The following ARHGEF16 variants were observed in gnomAD, a reference collection of about 807,000 sequenced individuals.
The protein encoded by ARHGEF16 is Rho guanine exchange factor (GEF) 16.
In ARHGEF16, 59 loss-of-function variants were observed where a neutral mutation model predicts 74.1. The ratio of observed to expected loss-of-function variants is 0.80; its 90% CI spans 0.65 to 0.99. The LOEUF is 0.99. Ranked by LOEUF, ARHGEF16 falls within the 50% of genes least tolerant of loss-of-function variation. The pLI, the probability that ARHGEF16 is intolerant of heterozygous loss-of-function variation, is 0.00. For missense variants in ARHGEF16, 948 were observed against 986.6 expected (o/e 0.96, Z 0.52); for synonymous variants, 415 against 412.6 (o/e 1.01, Z -0.07).
At position 3,463,359 on chromosome 1, in the gene ARHGEF16, G is replaced by C. The variant is rs899794754; in HGVS notation, c.275G>C (p.Ser92Thr). ...KLGTQQLIPK[S>T]LAVASKAKTP... ...GGCACCCAACAGCTGATCCCTAAGA[G>C]CCTGGCTGTGGCCAGCAAGGCAAAG... The change falls in exon 2 of 15, where the codon AGC becomes ACC. Residue 92 changes from serine (S) to threonine (T), a missense_variant. Transcript: ENST00000378378. 4 of 1,550,142 alleles carry C rather than the reference G, an allele frequency of 2.6e-6. No individual in the cohort carries two copies. The highest frequency in any genetic ancestry group is 3.5e-6 in the Non-Finnish European group (4 of 1,146,926).
rs201748024 is a variant in ARHGEF16 at position 3,478,404 on chromosome 1, G to A, written c.1626-20G>A. 234 of 1,574,318 alleles carry A rather than the reference G, an allele frequency of 1.5e-4. 3 individuals are homozygous for A. The East Asian group carries it at 2.6e-3, about 17-fold the overall frequency. ...AGGAGCTGGGTGGGACCGTCCCACCGACTGCCCGTGTCTCCACAGCGAGGA... is the reference window on the plus strand; with the variant it reads ...AGGAGCTGGGTGGGACCGTCCCACCAACTGCCCGTGTCTCCACAGCGAGGA... On this transcript the variant is annotated intron_variant, in intron 11 of 14. Transcript: ENST00000378378.
chr1:3,455,543 G>T (rs927661272), intron 1 of ARHGEF16, among the ~76,000 whole-genome samples: 10 of 152,198 alleles, frequency 6.6e-5, no homozygotes, highest in Admixed American at 5.9e-4. Flanking sequence ...ATTTGAGCAG[G>T]TGGGGGGACT....
rs745897341 is a variant in ARHGEF16, at chr1:3,478,632, G to A, written c.1814+20G>A. On this transcript the variant is annotated intron_variant, in intron 12 of 14. Transcript: ENST00000378378. ...CTCCGCGTAAGTGGGCTCCCGGGAG[G>A]GCTGTTCCCAGGCCACAGGCACATT... The A allele has an allele frequency of 1.9e-6, 3 of 1,589,400 alleles. No homozygotes were observed. In the South Asian group the frequency reaches 3.4e-5, roughly 18 times the overall value.
Position 3,479,567 on chromosome 1 carries a change from G to A in ARHGEF16, c.1865G>A (p.Trp622Ter), listed in dbSNP as rs554773495. 1.2e-6 allele frequency: 2 copies of A among 1,612,436 alleles called. No individual in the cohort carries two copies. Among genetic ancestry groups the A allele is most frequent in the African/African-American group, 1.3e-5 (1 of 75,052 alleles). The change falls in exon 13 of 15, where the codon TGG becomes TAG. Residue 622 changes from tryptophan to a stop codon, truncating the protein, a stop_gained. Coordinates refer to ENST00000378378, the MANE Select transcript of ARHGEF16 (RefSeq NM_014448.4). LOFTEE classifies it high-confidence loss of function. The stretch of plus-strand genomic sequence containing the variant: ...GCGCTCACACACAGTGAGAGACAGT[G>A]GCAGGGCCTCTCCAGCAAAGGAGGT... ...IVALTHSERQ[W>*]QGLSSKGDLP...
chr1:3,468,171 A>T (rs1639601499), intron 4 of ARHGEF16, among the ~76,000 whole-genome samples: 1 of 152,116 alleles, frequency 6.6e-6, no homozygotes. Flanking sequence ...CCAGTACCGC[A>T]CCCTGGTAAC....
chr1:3,463,994 G>A (rs1328096031), intron 2 of ARHGEF16, among the ~76,000 whole-genome samples: 4 of 152,206 alleles, frequency 2.6e-5, no homozygotes, highest in Non-Finnish European at 5.9e-5. Context: ...GACAGGAGCC[G>A]GCCTGCCTGG....
At position 3,479,866 on chromosome 1, in the gene ARHGEF16, TCA is replaced by T. The variant is rs1640007330; in HGVS notation, c.1947_1948del (p.Leu650AlafsTer83). On this transcript the variant is annotated frameshift_variant, in exon 14 of 15. Transcript: ENST00000378378. LOFTEE classifies it low-confidence loss of function (END_TRUNC). ...TTCTTCGCGAAGCAAGCAGACGAGG[TCA>T]CACTGCAGCAGGCGGACGTGGTCCT... The T allele has an allele frequency of 1.2e-6, 2 of 1,612,200 alleles. No homozygotes were observed. Among genetic ancestry groups the T allele is most frequent in the Non-Finnish European group, 1.7e-6 (2 of 1,179,902 alleles).
chr1:3,460,662 A>G (rs1334096724), intron 1 of ARHGEF16, among the ~76,000 whole-genome samples: 1 of 152,112 alleles, frequency 6.6e-6, no homozygotes, highest in Admixed American at 6.5e-5. Flanking sequence ...GGGCCTGGGT[A>G]AAACGCAGAC....
At chr1:3,476,942 C>G (rs1212614656) in intron 10 of ARHGEF16, among the ~76,000 whole-genome samples, 1 of 152,104 alleles carries the variant, frequency 6.6e-6, no homozygotes, top group African/African-American at 2.4e-5. Context: ...TCTCCCTGAT[C>G]CTCTCGAGTC....
At chr1:3,478,735 GC>G in intron 12 of ARHGEF16, 123 bp downstream of exon 12, 1 of 1,151,688 alleles carries the variant, frequency 8.7e-7, no homozygotes, top group Admixed American at 2.7e-5. Flanking sequence ...CGTGCACCTG[GC>G]CCTGCTGTAG....
chr1:3,468,045 G>A (rs1557691166), intron 4 of ARHGEF16, among the ~76,000 whole-genome samples: 2 of 152,140 alleles, frequency 1.3e-5, no homozygotes, highest in South Asian at 2.1e-4. Context: ...CAGGCCCAGC[G>A]TGGGGTGAGG....
chr1:3,466,122 G>C, intron 2 of ARHGEF16, 26 bp from the exon 3 acceptor site: 1 of 1,548,124 alleles, frequency 6.5e-7, no homozygotes, highest in Non-Finnish European at 8.7e-7. Flanking sequence ...TGACAGCTGC[G>C]GTTTCTGTGT....
At chr1:3,471,764 A>G in intron 6 of ARHGEF16, 1 of 1,180,284 alleles carries the variant, frequency 8.5e-7, no homozygotes, top group Non-Finnish European at 1.1e-6. Context: ...TTCACAGTGA[A>G]CTGTCTGGGG....
chr1:3,474,815 G>A (rs1212670766), intron 9 of ARHGEF16, 33 bp downstream of exon 9: 1 of 1,604,652 alleles, frequency 6.2e-7, no homozygotes, highest in Admixed American at 1.7e-5. Context: ...CCCTACCCGA[G>A]TCCTGTACCC....
At chr1:3,459,964 G>A (rs1038967408) in intron 1 of ARHGEF16, among the ~76,000 whole-genome samples, 5 of 152,240 alleles carry the variant, frequency 3.3e-5, no homozygotes, top group Non-Finnish European at 7.3e-5. Context: ...CGGGGATCAG[G>A]GCAGTGTGGA....
intron 6 of ARHGEF16, 133 bp from the exon 7 acceptor site, chr1:3,472,945 C>A: frequency 1.2e-6 from 1 of 815,486 alleles, no homozygotes; most frequent in Non-Finnish European, 1.7e-6. Context: ...TGTGTGCTGC[C>A]TCTGGGAGCT....
chr1:3,474,674 G>A (rs1474741880), intron 8 of ARHGEF16, 34 bp from the exon 9 acceptor site: 2 of 1,598,362 alleles, frequency 1.3e-6, no homozygotes, highest in African/African-American at 1.3e-5. Flanking sequence ...GATGCCAGAG[G>A]GGACTTTCTG....
At chr1:3,459,573 C>T (rs571326344) in intron 1 of ARHGEF16, among the ~76,000 whole-genome samples, 7 of 152,190 alleles carry the variant, frequency 4.6e-5, no homozygotes, top group East Asian at 3.9e-4. Context: ...TCCTGGGATC[C>T]GCCCAGGGTG....
At chr1:3,477,343 C>T (rs146885402) in intron 10 of ARHGEF16, among the ~76,000 whole-genome samples, 76 of 117,872 alleles carry the variant, frequency 6.4e-4, no homozygotes, top group African/African-American at 2.6e-3. Context: ...CCACACTGCC[C>T]ACCCTCTGGC....
Sources: allele counts gnomAD v4.1 joint callset (sites outside exome capture counted in the v4.1 genomes callset), GRCh38; gene constraint gnomAD v4.1.1; transcripts MANE v1.5; gene names NCBI Gene and HGNC (gene_info 2026-07-23, HGNC 2026-07-21).